RBBP9: variants seen among roughly 807,000 people sequenced by gnomAD.
RBBP9 encodes the protein serine hydrolase RBBP9.
RBBP9 carries 20 observed loss-of-function variants against 24.2 expected under a neutral mutation model. The observed-to-expected ratio is 0.83, with a 90% CI of 0.58 to 1.20. The LOEUF is 1.20. Among genes scored for constraint, RBBP9 ranks in the 50% most tolerant of loss-of-function variants. The pLI, the probability that RBBP9 is intolerant of heterozygous loss-of-function variation, is 0.00. For synonymous variants in RBBP9, 74 were observed against 84.6 expected (o/e 0.87, Z 0.69); for missense variants, 234 against 233.6 (o/e 1.00, Z -0.01).
In RBBP9 at chr20:18,493,955, C is replaced by T. The variant is rs766227320; in HGVS notation, c.248+3G>A. 4.7e-5 allele frequency: 76 copies of T among 1,601,986 alleles called. 1 individual carries two copies. The South Asian group carries it at 7.5e-4, about 16-fold the overall frequency. ...GGGGATAGCAGTTTAACAAAGATCGCACCTCATGGCCGCGATGGCCCCAGA... is the reference window on the plus strand; with the variant it reads ...GGGGATAGCAGTTTAACAAAGATCGTACCTCATGGCCGCGATGGCCCCAGA... On this transcript the variant is annotated splice_donor_region_variant and intron_variant, in intron 3 of 4. Transcript: ENST00000337227.
In RBBP9 at chr20:18,495,899, GA is replaced by G; in HGVS notation, c.100-20del. 1.3e-6 allele frequency: 2 copies of G among 1,509,304 alleles called. No homozygotes were observed. The highest frequency in any genetic ancestry group is 1.2e-5 in the South Asian group (1 of 83,858). 93.5% of individuals were successfully genotyped at this position (1,509,304 alleles called of 1,614,324 possible). On this transcript the variant is annotated intron_variant, in intron 1 of 4. Coordinates refer to ENST00000337227, the MANE Select transcript of RBBP9 (RefSeq NM_006606.3). The stretch of plus-strand genomic sequence containing the variant: ...CAGGTATCTATGATATGAGGGGGGA[GA>G]AAAAGCTATAATAAAGAGCTTAATT...
intron 3 of RBBP9, among the ~76,000 whole-genome samples, chr20:18,491,938 A>C (rs1400940217): frequency 6.6e-6 from 1 of 151,958 alleles, no homozygotes; most frequent in East Asian, 1.9e-4. Flanking sequence ...CTCTACTAAA[A>C]ATACAAAAAT....
At chr20:18,494,675 C>T (rs550827062) in intron 2 of RBBP9, among the ~76,000 whole-genome samples, 1 of 151,126 alleles carries the variant, frequency 6.6e-6, no homozygotes, top group African/African-American at 2.4e-5. Context: ...AGCGAGACTC[C>T]ATCTCAAAAA....
At chr20:18,493,901 C>T in intron 3 of RBBP9, 57 bp downstream of exon 3, 1 of 1,350,592 alleles carries the variant, frequency 7.4e-7, no homozygotes, top group East Asian at 2.4e-5. Flanking sequence ...CAAGGTATTT[C>T]TCAAGCAAGC....
rs1298920031 is a variant in RBBP9 at position 18,489,956 on chromosome 20, G to T, written c.369C>A (p.Ile123=). The change falls in exon 5 of 5, where the codon ATC becomes ATA. Residue 123 remains isoleucine (I), a synonymous_variant. Coordinates refer to ENST00000337227, the MANE Select transcript of RBBP9 (RefSeq NM_006606.3). The stretch of plus-strand genomic sequence containing the variant: ...GCACAATGTAAGGGCAGTTGGCCTT[G>T]ATCTTCTCCCACTGCCAGGGGCGGG... ...YFTRPWQWEK[I]KANCPYIVQF... 2 of 1,606,868 alleles carry T rather than the reference G, an allele frequency of 1.2e-6. No individual in the cohort carries two copies. The highest frequency in any genetic ancestry group is 4.5e-5 in the East Asian group (2 of 44,634).
In RBBP9 at chr20:18,490,046, A is replaced by G. The variant is rs2059859545; in HGVS notation, c.335-56T>C. On this transcript the variant is annotated intron_variant, in intron 4 of 4. Transcript: ENST00000337227. ...CCCATGGATAATCTCCCTTCTAGAT[A>G]TTCTAAAATACCTACTGGCGACCCA... 2.3e-6 allele frequency: 3 copies of G among 1,281,600 alleles called. No homozygotes were observed. The East Asian group carries it at 7.2e-5, about 31-fold the overall frequency. The allele number at this position is 1,281,600 out of a possible 1,614,324, so 79.4% of individuals were successfully genotyped here.
chr20:18,494,677 T>C (rs951517671), intron 2 of RBBP9, among the ~76,000 whole-genome samples: 1 of 151,606 alleles, frequency 6.6e-6, no homozygotes, highest in African/African-American at 2.4e-5. Context: ...CGAGACTCCA[T>C]CTCAAAAAAA....
At chr20:18,491,752 T>A (rs2059866531) in intron 3 of RBBP9, among the ~76,000 whole-genome samples, 1 of 152,090 alleles carries the variant, frequency 6.6e-6, no homozygotes, top group Non-Finnish European at 1.5e-5. Flanking sequence ...GGGCCTGAAC[T>A]TTTTTCCCCA....
intron 1 of RBBP9, among the ~76,000 whole-genome samples, chr20:18,496,815 C>T (rs2059888311): frequency 6.6e-6 from 1 of 152,150 alleles, no homozygotes. Flanking sequence ...GGCTCAGGGG[C>T]TCAGCCTCGG....
intron 1 of RBBP9, among the ~76,000 whole-genome samples, chr20:18,496,238 G>GA (rs144992054): frequency 0.014 from 2,163 of 152,298 alleles, 37 homozygotes; most frequent in Non-Finnish European, 0.02. Flanking sequence ...ACGTGATACA[G>GA]AAATTTGGAG....
At chr20:18,491,326 T>G (rs780414864) in intron 3 of RBBP9, among the ~76,000 whole-genome samples, 3 of 152,264 alleles carry the variant, frequency 2.0e-5, no homozygotes, top group African/African-American at 7.2e-5. Flanking sequence ...TCTCAATAAA[T>G]TGTCAGCTCC....
chr20:18,496,873 G>A (rs920885406), intron 1 of RBBP9, among the ~76,000 whole-genome samples, 196 bp downstream of exon 1: 2 of 152,154 alleles, frequency 1.3e-5, no homozygotes, highest in African/African-American at 4.8e-5. Flanking sequence ...CCTCAGAGAA[G>A]TCTTCCAGGC....
At chr20:18,495,919 C>T (rs1476784576) in intron 1 of RBBP9, 39 bp from the exon 2 acceptor site, 1 of 1,432,630 alleles carries the variant, frequency 7.0e-7, no homozygotes, top group Admixed American at 2.2e-5. Flanking sequence ...TAATAAAGAG[C>T]TTAATTACAA....
chr20:18,495,237 G>A (rs1254385039), intron 2 of RBBP9, among the ~76,000 whole-genome samples: 2 of 147,228 alleles, frequency 1.4e-5, no homozygotes, highest in Non-Finnish European at 3.0e-5. Flanking sequence ...ATTTTGTTCT[G>A]TACTAAGAAA....
At position 18,489,888 on chromosome 20, in the gene RBBP9, T is replaced by C. The variant is rs147934779; in HGVS notation, c.437A>G (p.Gln146Arg). ...TDDPFLPWKEQQEVADRLETK... is the reference protein window; with the variant it reads ...TDDPFLPWKERQEVADRLETK... ...TTCCAACCTATCGGCCACTTCTTGTTGTTCCTTCCAGGGAAGGAACGGGTC... is the reference window on the plus strand; with the variant it reads ...TTCCAACCTATCGGCCACTTCTTGTCGTTCCTTCCAGGGAAGGAACGGGTC... Residue 146 changes from glutamine (Q) to arginine (R), a missense_variant, in exon 5 of 5, where the codon CAA becomes CGA. Transcript: ENST00000337227. The C allele has an allele frequency of 6.2e-7, 1 of 1,613,736 alleles. No individual in the cohort carries two copies. Among genetic ancestry groups the C allele is most frequent in the African/African-American group, 1.3e-5 (1 of 74,930 alleles).
intron 2 of RBBP9, among the ~76,000 whole-genome samples, chr20:18,495,025 C>T (rs1474126657): frequency 1.3e-5 from 2 of 151,976 alleles, no homozygotes; most frequent in African/African-American, 2.4e-5. Context: ...CGCCTCTGCC[C>T]GGCCGCCCCT....
chr20:18,490,603 G>T, intron 3 of RBBP9, 123 bp from the exon 4 acceptor site: 1 of 615,258 alleles, frequency 1.6e-6, no homozygotes. Context: ...CTGCTGTTGA[G>T]GTTGATGTGA....
Position 18,489,538 on chromosome 20 carries a change from T to G in RBBP9, c.*226A>C. ...GGTAGTTAAGCTGTCCTTATGTTTC[T>G]TATCAAATGAGGAAAATACTGTGGT... On this transcript the variant is annotated 3_prime_UTR_variant, in exon 5 of 5. Coordinates refer to ENST00000337227, the MANE Select transcript of RBBP9 (RefSeq NM_006606.3). 1 of 460,422 alleles carries G rather than the reference T, an allele frequency of 2.2e-6. No homozygotes were observed. The highest frequency in any genetic ancestry group is 3.4e-5 in the East Asian group (1 of 29,496). The allele number at this position is 460,422 out of a possible 1,614,324, so 28.5% of individuals were successfully genotyped here. A position where few individuals can be genotyped will look rare whatever the true frequency, so the allele number is the denominator to read the frequency against.
rs748287780 is a variant in RBBP9 at position 18,489,793 on chromosome 20, C to T, written c.532G>A (p.Val178Ile). The change falls in exon 5 of 5, where the codon GTA becomes ATA. Residue 178 changes from valine to isoleucine, a missense_variant. Coordinates refer to ENST00000337227, the MANE Select transcript of RBBP9 (RefSeq NM_006606.3). Reference sequence around the variant, plus strand: ...GCTGGTACTTTCAGCAAAGACTTTACAACAGTAATCAGTTCATGAAACTCT... The same window carrying T: ...GCTGGTACTTTCAGCAAAGACTTTATAACAGTAATCAGTTCATGAAACTCT... ...NTEFHELITV[V>I]KSLLKVPA 9.6e-5 allele frequency: 155 copies of T among 1,612,822 alleles called. No homozygotes were observed. The highest frequency in any genetic ancestry group is 1.2e-4 in the Non-Finnish European group (146 of 1,178,978).
Sources: allele counts gnomAD v4.1 joint callset (sites outside exome capture counted in the v4.1 genomes callset), GRCh38; gene constraint gnomAD v4.1.1; transcripts MANE v1.5; gene names NCBI Gene and HGNC (gene_info 2026-07-23, HGNC 2026-07-21).